ABCC11: variants seen among roughly 807,000 people sequenced by gnomAD.
The protein encoded by ABCC11 is ATP-binding cassette sub-family C member 11.
ABCC11 carries 135 observed loss-of-function variants against 149.3 expected under a neutral mutation model. The observed-to-expected ratio is 0.90, with a 90% CI of 0.79 to 1.04. The LOEUF (loss-of-function observed/expected upper bound fraction) is 1.04. Among genes scored for constraint, ABCC11 ranks in the 50% least tolerant of loss-of-function variants. The pLI is 0.00. For missense variants in ABCC11, 1,680 were observed against 1,722.1 expected (o/e 0.98, Z 0.43); for synonymous variants, 665 against 671.4 (o/e 0.99, Z 0.15).
chr16:48,175,442 C>A (rs1486049682), intron 25 of ABCC11, 25 bp from the exon 26 acceptor site: 1 of 1,591,856 alleles, frequency 6.3e-7, no homozygotes, highest in Non-Finnish European at 8.6e-7. Context: ...ACAAGCGGGG[C>A]CTCAGTTTCC....
At chr16:48,242,222 A>T (rs188858633) in intron 1 of ABCC11, among the ~76,000 whole-genome samples, 2 of 152,218 alleles carry the variant, frequency 1.3e-5, no homozygotes, top group African/African-American at 4.8e-5. Context: ...AACCCCATCT[A>T]AAAGTGGGCA....
intron 5 of ABCC11, among the ~76,000 whole-genome samples, 180 bp from the exon 6 acceptor site, chr16:48,223,011 A>C (rs1355018062): frequency 6.6e-6 from 1 of 152,202 alleles, no homozygotes; most frequent in Non-Finnish European, 1.5e-5. Context: ...GAGACTTAGG[A>C]GTTCAACTGA....
chr16:48,233,586 T>A (rs1970537867), intron 1 of ABCC11, among the ~76,000 whole-genome samples: 4 of 152,194 alleles, frequency 2.6e-5, no homozygotes, highest in Admixed American at 2.6e-4. Context: ...TATAGCTGCA[T>A]TAAATTAAAA....
At chr16:48,200,506 T>C (rs544994405) in intron 14 of ABCC11, 27 bp from the exon 15 acceptor site, 3 of 1,609,616 alleles carry the variant, frequency 1.9e-6, no homozygotes, top group Middle Eastern at 3.3e-4. Context: ...AAAGGCACCA[T>C]GTCCAGACAG....
At chr16:48,178,712 G>T in intron 23 of ABCC11, 26 bp from the exon 24 acceptor site, 1 of 1,606,232 alleles carries the variant, frequency 6.2e-7, no homozygotes, top group Non-Finnish European at 8.5e-7. Context: ...AGTATCGGGG[G>T]TCAAGAGGCT....
chr16:48,208,176 A>G (rs1282941926), intron 12 of ABCC11, among the ~76,000 whole-genome samples: 1 of 152,200 alleles, frequency 6.6e-6, no homozygotes, highest in Admixed American at 6.5e-5. Flanking sequence ...AGCACAGGTG[A>G]GGACAGGTCT....
At chr16:48,188,760 C>G (rs1383827428) in intron 20 of ABCC11, among the ~76,000 whole-genome samples, 1 of 152,224 alleles carries the variant, frequency 6.6e-6, no homozygotes, top group Non-Finnish European at 1.5e-5. Flanking sequence ...CACAGTCACT[C>G]TTCACAGAAG....
Position 48,215,197 on chromosome 16 carries a change from C to T in ABCC11, c.1099G>A (p.Asp367Asn), listed in dbSNP as rs770852929. ...GAGCAGAAAGTCAGACTTTCCATAC[C>T]TTCAATGATTTTTGCAAATGGTTTC... The part of the protein sequence containing the change: ...WEKPFAKIIE[D>N]LRRKERKLLE... Residue 367 changes from aspartate to asparagine, a missense_variant and splice_region_variant, in exon 8 of 30, where the codon GAC (aspartate) becomes AAC (asparagine). Physicochemically the swap from Asp to Asn is conservative, Grantham distance 23. Transcript: ENST00000356608. The T allele has an allele frequency of 1.9e-6, 3 of 1,607,420 alleles. No homozygotes were observed. Among genetic ancestry groups the T allele is most frequent in the South Asian group, 2.2e-5 (2 of 90,826 alleles).
intron 1 of ABCC11, among the ~76,000 whole-genome samples, chr16:48,234,206 C>T (rs908432961): frequency 1.3e-5 from 2 of 152,076 alleles, no homozygotes; most frequent in African/African-American, 2.4e-5. Context: ...GGAAGAGATG[C>T]GCAGCACGGC....
chr16:48,180,372 A>G (rs545971301), intron 23 of ABCC11, among the ~76,000 whole-genome samples: 29 of 152,216 alleles, frequency 1.9e-4, no homozygotes, highest in Admixed American at 5.9e-4. Flanking sequence ...GAATACAGAC[A>G]GACTTGCAGA....
chr16:48,212,310 CAACTTACTCCCTAG>C, intron 10 of ABCC11, among the ~76,000 whole-genome samples: 1 of 152,274 alleles, frequency 6.6e-6, no homozygotes, highest in Non-Finnish European at 1.5e-5. Context: ...CAGCCCTCCC[CAACTTACTCCCTAG>C]AACAGGCGTG....
intron 1 of ABCC11, among the ~76,000 whole-genome samples, chr16:48,235,349 GTCC>G (rs1970635292): frequency 6.6e-6 from 1 of 152,210 alleles, no homozygotes; most frequent in Admixed American, 6.5e-5. Context: ...GACCTTGTCT[GTCC>G]TGTTCACAAA....
rs1234514176 is a variant in ABCC11 at position 48,184,469 on chromosome 16, T to G, written c.3229A>C (p.Lys1077Gln). ...FGISSTPYSF[K>Q]VMAVNIVLQL... is the part of the protein sequence containing the mutation. ...AGCACGATGTTGACAGCCATGACTTTAAAGGAGTAGGGGGTGGAGGAAATG... is the reference window on the plus strand; with the variant it reads ...AGCACGATGTTGACAGCCATGACTTGAAAGGAGTAGGGGGTGGAGGAAATG... Residue 1077 changes from lysine (K) to glutamine (Q), a missense_variant, in exon 23 of 30, where the codon AAA becomes CAA. Lys to Gln is a moderately conservative substitution (Grantham distance 53, BLOSUM62 1). Coordinates refer to ENST00000356608, the MANE Select transcript of ABCC11 (RefSeq NM_001370497.1). 2 of 1,613,966 alleles carry G rather than the reference T, an allele frequency of 1.2e-6. No homozygotes were observed. Among genetic ancestry groups the G allele is most frequent in the African/African-American group, 2.7e-5 (2 of 74,890 alleles).
At chr16:48,185,408 A>G (rs1348791556) in intron 22 of ABCC11, among the ~76,000 whole-genome samples, 1 of 152,130 alleles carries the variant, frequency 6.6e-6, no homozygotes, top group Non-Finnish European at 1.5e-5. Flanking sequence ...AAACCTACCA[A>G]TTTCCAATTT....
chr16:48,167,377 G>A lies in ABCC11; in HGVS notation c.4057-11C>T. The A allele has an allele frequency of 7.0e-7, 1 of 1,435,748 alleles. No homozygotes were observed. The highest frequency in any genetic ancestry group is 9.8e-7 in the Non-Finnish European group (1 of 1,017,272). 88.9% of individuals were successfully genotyped at this position (1,435,748 alleles called of 1,614,324 possible). A position where few individuals can be genotyped will look rare whatever the true frequency, so the allele number is the denominator to read the frequency against. On this transcript the variant is annotated splice_polypyrimidine_tract_variant and intron_variant, in intron 29 of 29. Transcript: ENST00000356608. The stretch of plus-strand genomic sequence containing the variant: ...ATCAAATTCTACCACCTGGAGGGTA[G>A]AGAAAGGCGAGGGGAGGATCAGGGC...
At position 48,187,084 on chromosome 16, in the gene ABCC11, G is replaced by A. The variant is rs1428147064; in HGVS notation, c.2940C>T (p.Phe980=). Residue 980 remains phenylalanine (F), a synonymous_variant, in exon 22 of 30, where the codon TTC becomes TTT. Transcript: ENST00000356608. ...MVICFIYYMM[F]KKAIGVFKRL... ...TCTTGAACACACCGATGGCCTTCTT[G>A]AACATCCTGCATGGACAGTGGAGGT... 9 of 1,614,048 alleles carry A rather than the reference G, an allele frequency of 5.6e-6. No homozygotes were observed. Among genetic ancestry groups the A allele is most frequent in the Non-Finnish European group, 6.8e-6 (8 of 1,180,044 alleles).
At chr16:48,183,957 G>T (rs1409066091) in intron 23 of ABCC11, among the ~76,000 whole-genome samples, 4 of 152,138 alleles carry the variant, frequency 2.6e-5, no homozygotes, top group African/African-American at 9.7e-5. Context: ...TGTTCTAGGG[G>T]CTGGGCTGTG....
At chr16:48,201,474 CTT>C (rs560323114) in intron 14 of ABCC11, among the ~76,000 whole-genome samples, 162 of 123,426 alleles carry the variant, frequency 1.3e-3, no homozygotes, top group African/African-American at 3.3e-3. Flanking sequence ...TTTTCTTTTT[CTT>C]TTTTTTTTTT....
rs766070729 is a variant in ABCC11, at chr16:48,213,456, A to T, written c.1343T>A (p.Val448Glu). The change falls in exon 10 of 30, where the codon GTG becomes GAG. Residue 448 changes from valine to glutamate, a missense_variant. Transcript: ENST00000356608. ...VKGLTNSKSAVMRFKKFFLQE... is the reference protein window; with the variant it reads ...VKGLTNSKSAEMRFKKFFLQE... ...CTGATGACCTACCTTGAACCTCATCACTGCAGACTTGGAATTCGTGAGACC... is the reference window on the plus strand; with the variant it reads ...CTGATGACCTACCTTGAACCTCATCTCTGCAGACTTGGAATTCGTGAGACC... The T allele has an allele frequency of 1.9e-6, 3 of 1,612,192 alleles. No homozygotes were observed. The highest frequency in any genetic ancestry group is 2.2e-5 in the East Asian group (1 of 44,732).
Sources: allele counts gnomAD v4.1 joint callset (sites outside exome capture counted in the v4.1 genomes callset), GRCh38; gene constraint gnomAD v4.1.1; transcripts MANE v1.5; gene names NCBI Gene and HGNC (gene_info 2026-07-23, HGNC 2026-07-21).